The following TLK2 variants were observed in gnomAD, a reference collection of about 807,000 sequenced individuals.
TLK2 encodes the protein serine/threonine-protein kinase tousled-like 2.
A neutral mutation model predicts 117.3 loss-of-function variants in TLK2; 6 were observed. The observed-to-expected ratio is 0.05, with a 90% CI of 0.03 to 0.10. The LOEUF (loss-of-function observed/expected upper bound fraction) is 0.10, where lower values mean the gene tolerates loss of function less well. TLK2 is among the 10% of genes least tolerant of loss of function. TLK2 has a pLI of 1.00. For synonymous variants in TLK2, 257 were observed against 316.7 expected, an observed-to-expected ratio of 0.81 and a Z score of 2.00; for missense variants, 299 against 901.2, an observed-to-expected ratio of 0.33 and a Z score of 8.56.
intron 2 of TLK2, among the ~76,000 whole-genome samples, chr17:62,490,988 A>G (rs2073055579): frequency 6.6e-6 from 1 of 152,186 alleles, no homozygotes; most frequent in African/African-American, 2.4e-5. Context: ...CTCCCACCTC[A>G]GCCTCCTAAG....
chr17:62,555,463 G>A (rs1331237186), intron 9 of TLK2, among the ~76,000 whole-genome samples: 2 of 151,272 alleles, frequency 1.3e-5, no homozygotes, highest in Admixed American at 6.6e-5. Flanking sequence ...GTAAAGTCTG[G>A]TGTGTTTATA....
intron 16 of TLK2, among the ~76,000 whole-genome samples, chr17:62,594,789 T>TACACACACACACACACAC (rs143695451): frequency 2.1e-5 from 3 of 145,518 alleles, no homozygotes; most frequent in African/African-American, 7.7e-5. Flanking sequence ...GCAGGGCGGG[T>TACACACACACACACACAC]ACACACACAC....
intron 2 of TLK2, among the ~76,000 whole-genome samples, chr17:62,510,547 A>G (rs928621818): frequency 6.6e-6 from 1 of 152,224 alleles, no homozygotes; most frequent in African/African-American, 2.4e-5. Context: ...ATTTTCTTAT[A>G]GTTCTGAAGA....
upstream of TLK2, among the ~76,000 whole-genome samples, chr17:62,473,956 T>C (rs1047391091): frequency 1.3e-5 from 2 of 152,104 alleles, no homozygotes; most frequent in African/African-American, 2.4e-5. Context: ...AGTACAATGG[T>C]GGGTTCTCAG....
intron 17 of TLK2, among the ~76,000 whole-genome samples, chr17:62,598,756 C>T (rs1476096974): frequency 6.6e-6 from 1 of 152,022 alleles, no homozygotes. Context: ...AACTCTTGAC[C>T]TTGTGATCCG....
At chr17:62,578,033 G>C (rs907915533) in intron 13 of TLK2, among the ~76,000 whole-genome samples, 9 of 152,176 alleles carry the variant, frequency 5.9e-5, no homozygotes, top group Admixed American at 2.0e-4. Context: ...GGTGACAACA[G>C]CGAAACTCCA....
intron 7 of TLK2, chr17:62,550,552 C>A (rs2078373398): frequency 6.6e-6 from 1 of 152,188 alleles, no homozygotes; most frequent in Admixed American, 6.5e-5. Flanking sequence ...ATAGGGAGTA[C>A]TTAATAAATA....
intron 6 of TLK2, among the ~76,000 whole-genome samples, chr17:62,533,313 C>T (rs2076867114): frequency 1.3e-5 from 2 of 150,826 alleles, no homozygotes; most frequent in Non-Finnish European, 3.0e-5. Flanking sequence ...TCCTTTATGA[C>T]TTATGGGATT....
At chr17:62,549,419 A>G (rs7219439) in intron 7 of TLK2, among the ~76,000 whole-genome samples, 31 of 7,722 alleles carry the variant, frequency 4.0e-3, no homozygotes, top group Admixed American at 6.5e-3. Context: ...AAAAAAAAAA[A>G]AAAAAAAAAA....
At chr17:62,516,698 T>G in intron 2 of TLK2, 1 of 1,607,056 alleles carries the variant, frequency 6.2e-7, no homozygotes, top group Non-Finnish European at 8.5e-7. Flanking sequence ...ACATCCTTCT[T>G]GGCCACCATG....
At chr17:62,566,628 G>A (rs1173786420) in intron 11 of TLK2, among the ~76,000 whole-genome samples, 2 of 152,154 alleles carry the variant, frequency 1.3e-5, no homozygotes, top group Non-Finnish European at 2.9e-5. Flanking sequence ...TGATAGCAGA[G>A]GTATCAGGGC....
At chr17:62,506,425 A>G (rs1279531621) in intron 2 of TLK2, among the ~76,000 whole-genome samples, 2 of 152,150 alleles carry the variant, frequency 1.3e-5, no homozygotes, top group African/African-American at 4.8e-5. Context: ...CAAGAACCAG[A>G]ACTGGAATGT....
At chr17:62,594,035 C>G (rs1598824550) in intron 16 of TLK2, among the ~76,000 whole-genome samples, 1 of 151,674 alleles carries the variant, frequency 6.6e-6, no homozygotes, top group African/African-American at 2.4e-5. Flanking sequence ...TCAAGTGATC[C>G]GCCTGCCTCA....
chr17:62,585,929 A>G (rs2081577174), intron 15 of TLK2: 1 of 438,684 alleles, frequency 2.3e-6, no homozygotes, highest in Non-Finnish European at 4.2e-6. Flanking sequence ...TATGTTCTAA[A>G]TCCCTTGGTG....
At chr17:62,580,572 G>GT (rs889269043) in intron 15 of TLK2, among the ~76,000 whole-genome samples, 7 of 152,012 alleles carry the variant, frequency 4.6e-5, no homozygotes, top group Admixed American at 4.6e-4. Flanking sequence ...ATAAGAATAG[G>GT]TTTTTTTCCA....
upstream of TLK2, among the ~76,000 whole-genome samples, chr17:62,476,852 T>A (rs542685084): frequency 9.2e-5 from 14 of 151,558 alleles, no homozygotes; most frequent in African/African-American, 3.4e-4. Flanking sequence ...GAGGCTGAGA[T>A]GGGCGGATCA....
intron 11 of TLK2, among the ~76,000 whole-genome samples, chr17:62,569,716 C>T (rs558557260): frequency 1.1e-4 from 17 of 152,144 alleles, no homozygotes; most frequent in Admixed American, 3.3e-4. Context: ...TGTGAGCCAC[C>T]GCGCCCGGCC....
chr17:62,525,730 A>T (rs1267065535), intron 6 of TLK2, among the ~76,000 whole-genome samples: 2 of 152,196 alleles, frequency 1.3e-5, no homozygotes, highest in African/African-American at 2.4e-5. Flanking sequence ...GATTACAGGC[A>T]TTAGCCATTG....
intron 13 of TLK2, among the ~76,000 whole-genome samples, chr17:62,577,314 C>T (rs1308500670): frequency 6.6e-6 from 1 of 152,020 alleles, no homozygotes; most frequent in Non-Finnish European, 1.5e-5. Flanking sequence ...CAGTGTTTTT[C>T]CCCCTAGTGA....
Sources: gnomAD v4.1 joint callset for allele counts (sites outside exome capture counted in the v4.1 genomes callset) on GRCh38, gnomAD v4.1.1 for gene constraint, MANE v1.5 for transcripts, NCBI Gene and HGNC (gene_info 2026-07-23, HGNC 2026-07-21) for gene names.